ATG2B: variants seen among roughly 807,000 people sequenced by gnomAD.
ATG2B encodes the protein autophagy related 2B.
Under a neutral mutation model 241.3 loss-of-function variants are expected in ATG2B, and 121 were observed. The ratio of observed to expected loss-of-function variants is 0.50; its 90% CI spans 0.43 to 0.58. The LOEUF (loss-of-function observed/expected upper bound fraction) is 0.58, where lower values mean the gene tolerates loss of function less well. Among genes scored for constraint, ATG2B ranks in the 20% least tolerant of loss-of-function variants. The pLI, the probability that ATG2B is intolerant of heterozygous loss-of-function variation, is 0.00. For synonymous variants in ATG2B, 858 were observed against 876.6 expected (o/e 0.98, Z 0.37); for missense variants, 2,306 against 2,491.6 (o/e 0.93, Z 1.59).
At chr14:96,292,213 A>G (rs1377125514) in intron 36 of ATG2B, 115 bp from the exon 37 acceptor site, 2 of 592,650 alleles carry the variant, frequency 3.4e-6, no homozygotes. Context: ...AATAAATCAT[A>G]TAAATATCTT....
chr14:96,317,865 CA>C lies in ATG2B; in HGVS notation c.2880-11del. 1 of 1,565,172 alleles carries C rather than the reference CA, an allele frequency of 6.4e-7. No individual in the cohort carries two copies. The highest frequency in any genetic ancestry group is 1.2e-5 in the South Asian group (1 of 82,012). ...CAAGTCATTAAAGATCCTATAAAGA[CA>C]AAAGTTGAAAAATAAGTACTTAACT... On this transcript the variant is annotated splice_polypyrimidine_tract_variant and intron_variant, in intron 18 of 41. Transcript: ENST00000359933.
rs528826917 is a variant in ATG2B at position 96,316,926 on chromosome 14, CA to C, written c.3210+218del. 1.0e-3 allele frequency among the ~76,000 whole-genome samples: 159 copies of C among 152,304 alleles called. 1 individual carries two copies. Among genetic ancestry groups the C allele is most frequent in the African/African-American group, 3.4e-3 (140 of 41,562 alleles). On this transcript the variant is annotated intron_variant, in intron 20 of 41. Coordinates refer to ENST00000359933, the MANE Select transcript of ATG2B (RefSeq NM_018036.7). ...GTTGTCACCCCAGAAGCAGAATTAG[CA>C]CCTGTTTTCCAAAGGGAGAGCCCCA...
chr14:96,324,575 A>G (rs1887541745), intron 15 of ATG2B, among the ~76,000 whole-genome samples: 1 of 152,124 alleles, frequency 6.6e-6, no homozygotes, highest in Non-Finnish European at 1.5e-5. Flanking sequence ...AGGCACGAGA[A>G]TCGCTTGAAG....
Position 96,331,515 on chromosome 14 carries a change from G to A in ATG2B, c.1591C>T (p.Gln531Ter). ...IDPLSPPETS[Q>*]NLNPLTPMAV... is the part of the protein sequence containing the mutation. ...ATAGGTGTCAATGGATTAAGGTTCT[G>A]TGACGTTTCAGGTGGAGATAAAGGA... is the stretch of plus-strand genomic sequence containing the variant. Residue 531 changes from glutamine to a stop codon, truncating the protein, a stop_gained, in exon 11 of 42, where the codon CAG becomes TAG. Transcript: ENST00000359933. LOFTEE classifies it high-confidence loss of function. 1 of 1,614,078 alleles carries A rather than the reference G, an allele frequency of 6.2e-7. No homozygotes were observed. Among genetic ancestry groups the A allele is most frequent in the Non-Finnish European group, 8.5e-7 (1 of 1,179,974 alleles).
intron 6 of ATG2B, among the ~76,000 whole-genome samples, chr14:96,340,310 A>G (rs1249217191): frequency 6.6e-6 from 1 of 150,620 alleles, no homozygotes; most frequent in African/African-American, 2.4e-5. Flanking sequence ...CATATCCATC[A>G]ACAGATGAAT....
At chr14:96,341,466 A>G (rs1888032688) in intron 6 of ATG2B, 56 bp downstream of exon 6, 1 of 1,384,860 alleles carries the variant, frequency 7.2e-7, no homozygotes, top group Admixed American at 2.1e-5. Context: ...GCATAGAATA[A>G]AGAATACTTG....
intron 2 of ATG2B, among the ~76,000 whole-genome samples, chr14:96,346,320 CA>C (rs1193547032): frequency 2.0e-5 from 3 of 152,022 alleles, no homozygotes; most frequent in African/African-American, 7.2e-5. Context: ...TACTGCCTTC[CA>C]AAATGGAATT....
In ATG2B at chr14:96,317,161, A is replaced by C; in HGVS notation, c.3194T>G (p.Val1065Gly). The change falls in exon 20 of 42, where the codon GTG becomes GGG. Residue 1065 changes from valine to glycine, a missense_variant. By Grantham distance (109) the Val-to-Gly change is moderately radical. Coordinates refer to ENST00000359933, the MANE Select transcript of ATG2B (RefSeq NM_018036.7). Reference protein sequence around the residue: ...LLNINHGLIAVFTDVKQDNGD... With the variant: ...LLNINHGLIAGFTDVKQDNGD... Reference sequence around the variant, plus strand: ...AAACCTCACCTTCACATCTGTGAACACTGCTATTAATCCATGATTAATATT... The same window carrying C: ...AAACCTCACCTTCACATCTGTGAACCCTGCTATTAATCCATGATTAATATT... 1 of 1,611,386 alleles carries C rather than the reference A, an allele frequency of 6.2e-7. No individual in the cohort carries two copies. Among genetic ancestry groups the C allele is most frequent in the South Asian group, 1.1e-5 (1 of 90,322 alleles).
Position 96,306,899 on chromosome 14 carries a change from A to AT in ATG2B, c.4320dup (p.Ser1441IlefsTer16). On this transcript the variant is annotated frameshift_variant, in exon 30 of 42. Coordinates refer to ENST00000359933, the MANE Select transcript of ATG2B (RefSeq NM_018036.7). LOFTEE classifies it high-confidence loss of function. ...GAACAACATGGCTCCTGAATTTGAG[A>AT]TTTTTCATCCAAAACACCTAGATAA... is the stretch of plus-strand genomic sequence containing the variant. 6.2e-7 allele frequency: 1 copy of AT among 1,612,910 alleles called. No individual in the cohort carries two copies. The highest frequency in any genetic ancestry group is 8.5e-7 in the Non-Finnish European group (1 of 1,179,790).
Position 96,283,076 on chromosome 14 carries a change from C to G in ATG2B, c.*2679G>C, listed in dbSNP as rs915595948. ...GTGGTGGGCAGAAAGGAAGAGAAAA[C>G]GGGGGGTTCCGAGTTAGCTCCATTC... is the stretch of plus-strand genomic sequence containing the variant. On this transcript the variant is annotated 3_prime_UTR_variant, in exon 42 of 42. Transcript: ENST00000359933. The G allele has an allele frequency of 6.6e-6, 1 of 152,172 alleles. No homozygotes were observed. Among genetic ancestry groups the G allele is most frequent in the East Asian group, 1.9e-4 (1 of 5,188 alleles). The allele number at this position is 152,172 out of a possible 1,614,324, so 9.4% of individuals were successfully genotyped here. A position where few individuals can be genotyped will look rare whatever the true frequency, so the allele number is the denominator to read the frequency against.
In ATG2B at chr14:96,297,686, C is replaced by T. The variant is rs527449361; in HGVS notation, c.5140-2126G>A. Among the ~76,000 whole-genome samples, 350 of 152,274 alleles carry T rather than the reference C, an allele frequency of 2.3e-3. 1 individual carries two copies. The highest frequency in any genetic ancestry group is 3.3e-3 in the Non-Finnish European group (222 of 68,016). ...TGCTGAGATTACAGGCGTGAGCCAC[C>T]GCACCCGGCCACTAATCACTAGCTT... On this transcript the variant is annotated intron_variant, in intron 34 of 41. Coordinates refer to ENST00000359933, the MANE Select transcript of ATG2B (RefSeq NM_018036.7).
Position 96,333,783 on chromosome 14 carries a change from T to C in ATG2B, c.1112A>G (p.Asn371Ser). ...GGAATCTTTTCTCAAATAATACCGG[T>C]TTAATTCCATCTGAATTCGATACTC... is the stretch of plus-strand genomic sequence containing the variant. ...EDEYRIQMEL[N>S]RYYLRKDSLS... Residue 371 changes from asparagine (N) to serine (S), a missense_variant, in exon 8 of 42, where the codon AAC becomes AGC. Transcript: ENST00000359933. The C allele has an allele frequency of 6.2e-7, 1 of 1,613,958 alleles. No individual in the cohort carries two copies. Among genetic ancestry groups the C allele is most frequent in the East Asian group, 2.2e-5 (1 of 44,864 alleles).
At chr14:96,340,102 GAA>G (rs1887977342) in intron 6 of ATG2B, among the ~76,000 whole-genome samples, 1 of 60,354 alleles carries the variant, frequency 1.7e-5, no homozygotes, top group Admixed American at 2.2e-4. Flanking sequence ...ATGCTATATA[GAA>G]TATATGATAT....
In ATG2B at chr14:96,328,378, A is replaced by C; in HGVS notation, c.2132T>G (p.Met711Arg). The C allele has an allele frequency of 6.2e-7, 1 of 1,613,020 alleles. No individual in the cohort carries two copies. Among genetic ancestry groups the C allele is most frequent in the Non-Finnish European group, 8.5e-7 (1 of 1,179,616 alleles). ...LATVEMMASHMYTSYNKHISL... is the reference protein window; with the variant it reads ...LATVEMMASHRYTSYNKHISL... ...AATATGTTTATTATATGAAGTATAC[A>C]TGTGGGATGCCATCATCTCTACTGT... Residue 711 changes from methionine (M) to arginine (R), a missense_variant, in exon 14 of 42, where the codon ATG (methionine) becomes AGG (arginine). Physicochemically the swap from Met to Arg is moderately conservative, Grantham distance 91 (BLOSUM62 -1). Around this residue, in one of 2 missense-constraint regions of ATG2B, gnomAD observed 1,927 missense variants for 2,011.2 expected, o/e 0.96. Coordinates refer to ENST00000359933, the MANE Select transcript of ATG2B (RefSeq NM_018036.7).
chr14:96,319,604 T>A (rs1313806738), intron 18 of ATG2B, among the ~76,000 whole-genome samples: 1 of 152,110 alleles, frequency 6.6e-6, no homozygotes, highest in Non-Finnish European at 1.5e-5. Flanking sequence ...AATAAAAGGA[T>A]AGTATTGACA....
At chr14:96,352,468 C>G (rs2139906069) in intron 1 of ATG2B, among the ~76,000 whole-genome samples, 1 of 151,960 alleles carries the variant, frequency 6.6e-6, no homozygotes, top group East Asian at 1.9e-4. Context: ...TAGGAAAGGA[C>G]AGCTCCATGC....
chr14:96,344,555 A>AAAT (rs1888123102), intron 4 of ATG2B, 99 bp downstream of exon 4: 5 of 528,688 alleles, frequency 9.5e-6, no homozygotes, highest in Non-Finnish European at 1.6e-5. Context: ...AAATTATGCA[A>AAAT]TATTTTCATA....
rs957800130 is a variant in ATG2B, at chr14:96,294,533, G to A, written c.5426+427C>T. The stretch of plus-strand genomic sequence containing the variant: ...GGAAGGGTCAGGAAAGACACATAAC[G>A]ACTGGGAAGGGCAGACAGAGAAAAT... On this transcript the variant is annotated intron_variant, in intron 36 of 41. Coordinates refer to ENST00000359933, the MANE Select transcript of ATG2B (RefSeq NM_018036.7). Among the ~76,000 whole-genome samples, 11 of 152,138 alleles carry A rather than the reference G, an allele frequency of 7.2e-5. 1 individual carries two copies. The highest frequency in any genetic ancestry group is 4.1e-4 in the South Asian group (2 of 4,820).
Position 96,310,186 on chromosome 14 carries a change from G to T in ATG2B, c.4162-592C>A, listed in dbSNP as rs577407582. Among the ~76,000 whole-genome samples, 3 of 152,134 alleles carry T rather than the reference G, an allele frequency of 2.0e-5. No homozygotes were observed. In the South Asian group the frequency reaches 6.2e-4, roughly 32 times the overall value. ...AAAATAGCAAGTTCCAAGCTGAAAGGGATAATTTAAAATAAGAAGAATGTT... is the reference window on the plus strand; with the variant it reads ...AAAATAGCAAGTTCCAAGCTGAAAGTGATAATTTAAAATAAGAAGAATGTT... On this transcript the variant is annotated intron_variant, in intron 28 of 41. Coordinates refer to ENST00000359933, the MANE Select transcript of ATG2B (RefSeq NM_018036.7).
Sources: gnomAD v4.1 joint callset for allele counts (sites outside exome capture counted in the v4.1 genomes callset) on GRCh38, gnomAD v4.1.1 for gene constraint, gnomAD v4.1.1 regional missense constraint, MANE v1.5 for transcripts, NCBI Gene and HGNC (gene_info 2026-07-23, HGNC 2026-07-21) for gene names.